The following DNM3 variants were observed in gnomAD, a reference collection of about 807,000 sequenced individuals.
DNM3 encodes dynamin 3, also known as dynamin-3.
Under a neutral mutation model 101.6 loss-of-function variants are expected in DNM3, and 47 were observed. The ratio of observed to expected loss-of-function variants is 0.46; its 90% CI spans 0.37 to 0.59. The LOEUF is 0.59. Ranked by LOEUF, DNM3 falls within the 20% of genes least tolerant of loss-of-function variation. DNM3 has a pLI of 0.00. For synonymous variants in DNM3, 385 were observed against 387.9 expected, an observed-to-expected ratio of 0.99 and a Z score of 0.09; for missense variants, 849 against 1,085.7, an observed-to-expected ratio of 0.78 and a Z score of 3.06.
chr1:172,028,350 A>G (rs1362371705), intron 4 of DNM3, among the ~76,000 whole-genome samples: 1 of 152,218 alleles, frequency 6.6e-6, no homozygotes, highest in Non-Finnish European at 1.5e-5. Flanking sequence ...GCAGAAATAA[A>G]TAAGTTCTTT....
chr1:171,946,876 G>A (rs905269993), intron 2 of DNM3, among the ~76,000 whole-genome samples: 5 of 152,132 alleles, frequency 3.3e-5, no homozygotes, highest in Non-Finnish European at 5.9e-5. Context: ...GCTCTTGGGG[G>A]AACTCTCATG....
chr1:171,999,913 T>G (rs1191225738), intron 4 of DNM3, among the ~76,000 whole-genome samples: 1 of 151,966 alleles, frequency 6.6e-6, no homozygotes, highest in African/African-American at 2.4e-5. Context: ...TGTAGAGGCT[T>G]TGGAGGGAGT....
intron 13 of DNM3, among the ~76,000 whole-genome samples, chr1:172,126,935 A>G (rs529426516): frequency 3.9e-4 from 60 of 152,260 alleles, no homozygotes; most frequent in African/African-American, 1.4e-3. Context: ...CCCATTTATC[A>G]TCTTATTTTC....
Position 172,005,642 on chromosome 1 carries a change from C to T in DNM3, c.589+16494C>T, listed in dbSNP as rs182559043. 6.2e-4 allele frequency among the ~76,000 whole-genome samples: 95 copies of T among 152,036 alleles called. 3 individuals carry two copies. The South Asian group carries it at 0.012, about 20-fold the overall frequency. On this transcript the variant is annotated intron_variant, in intron 4 of 20. Coordinates refer to ENST00000627582, the MANE Select transcript of DNM3 (RefSeq NM_015569.5). ...TTACCTACACAATTGTGTGTGTGTG[C>T]GCACTGGTTGTTTTTTAAAAAGCCA...
chr1:172,131,044 G>A (rs992987135), intron 13 of DNM3, 131 bp from the exon 14 acceptor site: 26 of 753,430 alleles, frequency 3.5e-5, no homozygotes, highest in East Asian at 8.1e-5. Context: ...CTCAATGGAA[G>A]TTGAGTTTGG....
intron 2 of DNM3, among the ~76,000 whole-genome samples, chr1:171,924,369 G>C (rs746670807): frequency 1.3e-5 from 2 of 152,084 alleles, no homozygotes; most frequent in Non-Finnish European, 1.5e-5. Context: ...AACAATAGCT[G>C]TATCAGTCTA....
At chr1:172,238,847 C>G (rs1218592007) in intron 14 of DNM3, among the ~76,000 whole-genome samples, 1 of 152,026 alleles carries the variant, frequency 6.6e-6, no homozygotes, top group Non-Finnish European at 1.5e-5. Context: ...AACACCCTTT[C>G]CCACTTTACA....
At chr1:172,005,176 CT>C (rs1339829906) in intron 4 of DNM3, among the ~76,000 whole-genome samples, 1 of 151,978 alleles carries the variant, frequency 6.6e-6, no homozygotes, top group Non-Finnish European at 1.5e-5. Flanking sequence ...GTTTCCTCCT[CT>C]GTAAAATGGA....
At chr1:172,300,099 C>T (rs993473228) in intron 15 of DNM3, among the ~76,000 whole-genome samples, 1 of 152,012 alleles carries the variant, frequency 6.6e-6, no homozygotes, top group African/African-American at 2.4e-5. Flanking sequence ...TGAGATGGTG[C>T]CTCATCATGG....
chr1:172,390,883 T>C (rs2069486183), intron 20 of DNM3, among the ~76,000 whole-genome samples: 1 of 152,194 alleles, frequency 6.6e-6, no homozygotes, highest in Admixed American at 6.5e-5. Flanking sequence ...GTGCCTGTCC[T>C]GGGGAATGAA....
At chr1:171,966,046 A>G (rs2043563601) in intron 2 of DNM3, among the ~76,000 whole-genome samples, 2 of 152,180 alleles carry the variant, frequency 1.3e-5, no homozygotes, top group Non-Finnish European at 2.9e-5. Flanking sequence ...ATGGGCAGAT[A>G]CCAAATATAT....
At chr1:172,004,764 T>TA (rs1167297843) in intron 4 of DNM3, among the ~76,000 whole-genome samples, 3 of 151,864 alleles carry the variant, frequency 2.0e-5, no homozygotes, top group African/African-American at 7.3e-5. Context: ...CTGAAAGGCA[T>TA]AAAAAAGAGA....
intron 14 of DNM3, chr1:172,144,758 G>C (rs2057786768): frequency 2.9e-6 from 1 of 342,552 alleles, no homozygotes; most frequent in Non-Finnish European, 6.0e-6. Context: ...ACACACTCAA[G>C]GGCTGTGATT....
intron 13 of DNM3, among the ~76,000 whole-genome samples, chr1:172,110,223 T>C (rs2055363816): frequency 6.6e-6 from 1 of 152,240 alleles, no homozygotes; most frequent in East Asian, 1.9e-4. Context: ...TCTTTTCCAT[T>C]ATTGCCAAAA....
At chr1:172,313,989 C>A (rs542372483) in intron 16 of DNM3, among the ~76,000 whole-genome samples, 26 of 150,528 alleles carry the variant, frequency 1.7e-4, no homozygotes, top group Admixed American at 3.3e-4. Context: ...ATGTTCCCCT[C>A]CCTGTTTACA....
intron 1 of DNM3, among the ~76,000 whole-genome samples, chr1:171,892,753 A>G (rs978177916): frequency 9.9e-5 from 15 of 152,168 alleles, no homozygotes; most frequent in African/African-American, 3.4e-4. Context: ...CAATTTTTCT[A>G]TGGCTGGCTC....
chr1:172,304,453 T>G (rs1184941605), intron 15 of DNM3, among the ~76,000 whole-genome samples: 2 of 152,112 alleles, frequency 1.3e-5, no homozygotes, highest in Admixed American at 6.5e-5. Flanking sequence ...TAACACCCAC[T>G]GTCAATATTA....
intron 20 of DNM3, among the ~76,000 whole-genome samples, chr1:172,398,382 T>A (rs1245070445): frequency 6.6e-6 from 1 of 152,204 alleles, no homozygotes; most frequent in Non-Finnish European, 1.5e-5. Flanking sequence ...AATGTTCTGG[T>A]TTATTGGCCT....
intron 2 of DNM3, among the ~76,000 whole-genome samples, chr1:171,982,392 T>A (rs1369016137): frequency 6.6e-6 from 1 of 152,176 alleles, no homozygotes; most frequent in Non-Finnish European, 1.5e-5. Context: ...TGGAGCTAGG[T>A]AGAAGACAGA....
Sources: allele counts gnomAD v4.1 joint callset (sites outside exome capture counted in the v4.1 genomes callset), GRCh38; gene constraint gnomAD v4.1.1; transcripts MANE v1.5; gene names NCBI Gene and HGNC (gene_info 2026-07-23, HGNC 2026-07-21).